The following MED13L variants were observed in gnomAD, a reference collection of about 807,000 sequenced individuals.
MED13L encodes the protein mediator of RNA polymerase II transcription subunit 13-like.
MED13L carries 7 observed loss-of-function variants against 220.9 expected under a neutral mutation model. The ratio of observed to expected loss-of-function variants is 0.03; its 90% CI spans 0.02 to 0.06. The LOEUF (loss-of-function observed/expected upper bound fraction) is 0.06, where lower values mean the gene tolerates loss of function less well. MED13L is among the 10% of genes least tolerant of loss of function. The pLI is 1.00. For missense variants in MED13L, 1,965 were observed against 2,760.5 expected (o/e 0.71, Z 6.46); for synonymous variants, 1,011 against 1,015.2 (o/e 1.00, Z 0.08).
intron 2 of MED13L, among the ~76,000 whole-genome samples, chr12:116,143,864 A>G (rs1877279632): frequency 6.6e-6 from 1 of 152,238 alleles, no homozygotes; most frequent in Admixed American, 6.5e-5. Context: ...TGAATATACA[A>G]AAACTATTTC....
At chr12:115,980,292 T>C (rs1877235284) in intron 23 of MED13L, among the ~76,000 whole-genome samples, 1 of 152,212 alleles carries the variant, frequency 6.6e-6, no homozygotes, top group Non-Finnish European at 1.5e-5. Context: ...GAGAAGTATC[T>C]CCTCTATTTA....
At chr12:116,041,486 G>C (rs1317364232) in intron 4 of MED13L, among the ~76,000 whole-genome samples, 1 of 152,152 alleles carries the variant, frequency 6.6e-6, no homozygotes, top group Non-Finnish European at 1.5e-5. Context: ...GTGCTAACTG[G>C]ACCATGCCTG....
chr12:116,102,766 G>A (rs1298706837), intron 3 of MED13L, among the ~76,000 whole-genome samples: 3 of 125,800 alleles, frequency 2.4e-5, no homozygotes, highest in African/African-American at 9.4e-5. Context: ...CTGTCACCCA[G>A]GCTGGAGTGC....
At chr12:116,085,278 C>T (rs1165723688) in intron 4 of MED13L, among the ~76,000 whole-genome samples, 1 of 152,086 alleles carries the variant, frequency 6.6e-6, no homozygotes, top group African/African-American at 2.4e-5. Flanking sequence ...AAATAAGGGT[C>T]ACAAACAGCC....
intron 3 of MED13L, 127 bp downstream of exon 3, chr12:116,111,301 T>G (rs745820979): frequency 7.8e-6 from 6 of 772,276 alleles, no homozygotes; most frequent in Non-Finnish European, 1.3e-5. Context: ...AACTAAAGAT[T>G]TATGTAATTT....
chr12:116,247,129 G>C (rs1256128119), intron 1 of MED13L, among the ~76,000 whole-genome samples: 2 of 151,968 alleles, frequency 1.3e-5, no homozygotes, highest in African/African-American at 4.8e-5. Flanking sequence ...GTGAGTGTTT[G>C]CTTCTAAAGA....
At chr12:116,068,541 G>A (rs1004237570) in intron 4 of MED13L, among the ~76,000 whole-genome samples, 2 of 152,130 alleles carry the variant, frequency 1.3e-5, no homozygotes, top group African/African-American at 2.4e-5. Flanking sequence ...CACAGATTGT[G>A]GGAAACAGGA....
chr12:116,244,650 G>C (rs1870947752), intron 1 of MED13L, among the ~76,000 whole-genome samples: 1 of 152,184 alleles, frequency 6.6e-6, no homozygotes, highest in Admixed American at 6.5e-5. Context: ...CTGGTTAAAA[G>C]CCTGCTTAAA....
chr12:115,987,221 G>A lies in MED13L; in HGVS notation c.4002C>T (p.Leu1334=), dbSNP rs772069193. ...TGCGCTTCTTTTGGATGGCATCTTG[G>A]AGAAAGGGCTGCAGGGACAACAGCA... The part of the protein sequence containing the change: ...VRMLLSLQPF[L]QDAIQKKRTG... The change falls in exon 18 of 31, where the codon CTC becomes CTT. Residue 1334 remains leucine (L), a synonymous_variant. Transcript: ENST00000281928. 1 of 1,614,090 alleles carries A rather than the reference G, an allele frequency of 6.2e-7. No homozygotes were observed. The highest frequency in any genetic ancestry group is 8.5e-7 in the Non-Finnish European group (1 of 1,180,018).
intron 2 of MED13L, among the ~76,000 whole-genome samples, chr12:116,135,041 T>C (rs1390178358): frequency 6.6e-6 from 1 of 152,076 alleles, no homozygotes; most frequent in African/African-American, 2.4e-5. Flanking sequence ...TGGTGGCATG[T>C]GCTTGTAGCC....
Position 116,277,179 on chromosome 12 carries a change from C to G in MED13L, c.-48G>C. The stretch of plus-strand genomic sequence containing the variant: ...CAGAGCGGGGCATGTCGGAGCGAGG[C>G]GTCCGAGGCGAGGCCGGGCCGGGCG... On this transcript the variant is annotated 5_prime_UTR_variant, in exon 1 of 31. Transcript: ENST00000281928. The G allele has an allele frequency of 7.1e-7, 1 of 1,409,690 alleles. No individual in the cohort carries two copies. The highest frequency in any genetic ancestry group is 9.4e-7 in the Non-Finnish European group (1 of 1,059,254). The allele number at this position is 1,409,690 out of a possible 1,614,324, so 87.3% of individuals were successfully genotyped here.
intron 2 of MED13L, among the ~76,000 whole-genome samples, chr12:116,157,122 A>G (rs933894849): frequency 2.7e-4 from 41 of 152,184 alleles, no homozygotes; most frequent in African/African-American, 9.4e-4. Context: ...TTGCCACCAA[A>G]ACATAAATCA....
chr12:116,036,250 G>A (rs1013156277), intron 4 of MED13L, among the ~76,000 whole-genome samples: 1 of 152,206 alleles, frequency 6.6e-6, no homozygotes, highest in Non-Finnish European at 1.5e-5. Context: ...TATACACAGT[G>A]AAGATTTTTA....
At chr12:116,019,558 T>C in intron 6 of MED13L, 146 bp from the exon 7 acceptor site, 1 of 1,123,920 alleles carries the variant, frequency 8.9e-7, no homozygotes, top group East Asian at 2.6e-5. Flanking sequence ...AGTTAATAGC[T>C]GTTTAAACAT....
intron 1 of MED13L, among the ~76,000 whole-genome samples, chr12:116,267,646 C>G (rs1872932758): frequency 6.6e-6 from 1 of 152,196 alleles, no homozygotes. Flanking sequence ...ACTCAAGTTT[C>G]CCTACTACCA....
At chr12:116,146,110 T>C (rs1877488681) in intron 2 of MED13L, among the ~76,000 whole-genome samples, 1 of 152,038 alleles carries the variant, frequency 6.6e-6, no homozygotes, top group Non-Finnish European at 1.5e-5. Flanking sequence ...TATGAGCTAT[T>C]TTGAGATTTT....
intron 4 of MED13L, among the ~76,000 whole-genome samples, chr12:116,053,661 T>TTGCCTAAGTTTATA (rs1868698303): frequency 6.6e-6 from 1 of 152,142 alleles, no homozygotes; most frequent in South Asian, 2.1e-4. Flanking sequence ...CTAAAGTCAC[T>TTGCCTAAGTTTATA]TGCCTAAGGT....
At chr12:116,002,454 T>C (rs1464140307) in intron 14 of MED13L, among the ~76,000 whole-genome samples, 1 of 152,182 alleles carries the variant, frequency 6.6e-6, no homozygotes, top group African/African-American at 2.4e-5. Flanking sequence ...TTTCCTCTTG[T>C]AGAATAATTT....
chr12:116,111,334 C>T (rs1874060252), intron 3 of MED13L, 94 bp downstream of exon 3: 1 of 922,978 alleles, frequency 1.1e-6, no homozygotes, highest in Admixed American at 1.7e-5. Flanking sequence ...TAAATCATTG[C>T]AAGTGAAAAG....
Sources: allele counts gnomAD v4.1 joint callset (sites outside exome capture counted in the v4.1 genomes callset), GRCh38; gene constraint gnomAD v4.1.1; transcripts MANE v1.5; gene names NCBI Gene and HGNC (gene_info 2026-07-23, HGNC 2026-07-21).